KIFAP3: variants seen among roughly 807,000 people sequenced by gnomAD.
KIFAP3 encodes the protein kinesin associated protein 3.
In KIFAP3, 68 loss-of-function variants were observed where a neutral mutation model predicts 106.5. The ratio of observed to expected loss-of-function variants is 0.64; its 90% CI spans 0.53 to 0.78. KIFAP3 has a LOEUF of 0.78. Among genes scored for constraint, KIFAP3 ranks in the 30% least tolerant of loss-of-function variants. The pLI, the probability that KIFAP3 is intolerant of heterozygous loss-of-function variation, is 0.00. For synonymous variants in KIFAP3, 320 were observed against 311.5 expected (o/e 1.03, Z -0.29); for missense variants, 780 against 941.8 (o/e 0.83, Z 2.25).
chr1:170,001,038 T>C (rs1247375349), intron 10 of KIFAP3, among the ~76,000 whole-genome samples: 1 of 152,132 alleles, frequency 6.6e-6, no homozygotes, highest in Non-Finnish European at 1.5e-5. Flanking sequence ...ATGAGTACTC[T>C]TATATAGAAC....
chr1:169,935,525 A>G (rs916262828), intron 19 of KIFAP3, among the ~76,000 whole-genome samples: 2 of 152,020 alleles, frequency 1.3e-5, no homozygotes, highest in African/African-American at 2.4e-5. Context: ...CTTAATATAT[A>G]TAAGATACAT....
In KIFAP3 at chr1:170,035,678, A is replaced by G. The variant is rs1330008911; in HGVS notation, c.518-125T>C. 1.4e-5 allele frequency: 8 copies of G among 554,318 alleles called. No individual in the cohort carries two copies. In the East Asian group the frequency reaches 2.2e-4, roughly 15 times the overall value. The allele number at this position is 554,318 out of a possible 1,614,324, so 34.3% of individuals were successfully genotyped here. A position where few individuals can be genotyped will look rare whatever the true frequency, so the allele number is the denominator to read the frequency against. On this transcript the variant is annotated intron_variant, in intron 5 of 19. Transcript: ENST00000361580. ...AGATAGAACTGGGACAAAAAGTAGGATGCTTCTTTCCAATACAGACAGCTA... is the reference window on the plus strand; with the variant it reads ...AGATAGAACTGGGACAAAAAGTAGGGTGCTTCTTTCCAATACAGACAGCTA...
intron 16 of KIFAP3, among the ~76,000 whole-genome samples, chr1:169,973,374 CA>C (rs1272499660): frequency 6.8e-5 from 10 of 147,456 alleles, no homozygotes; most frequent in Non-Finnish European, 1.4e-4. Context: ...ATAGAAATCC[CA>C]AAGAAGAAAA....
At position 170,031,511 on chromosome 1, in the gene KIFAP3, CAA is replaced by C. The variant is rs373172508; in HGVS notation, c.841+373_841+374del. On this transcript the variant is annotated intron_variant, in intron 8 of 19. Transcript: ENST00000361580. ...AGACAAGGAATTCTTTTCTATTAAA[CAA>C]GAGAAATATTTTAAAATGTTTATAT... 3.6e-3 allele frequency among the ~76,000 whole-genome samples: 544 copies of C among 151,674 alleles called. 7 individuals are homozygous for C. Among genetic ancestry groups the C allele is most frequent in the African/African-American group, 0.012 (494 of 41,492 alleles).
chr1:169,946,536 T>C (rs1016721300), intron 19 of KIFAP3, among the ~76,000 whole-genome samples: 1 of 152,108 alleles, frequency 6.6e-6, no homozygotes, highest in Non-Finnish European at 1.5e-5. Flanking sequence ...AGTAGGAGTG[T>C]TGGCTCTTAC....
At chr1:169,957,163 C>A (rs1048811990) in intron 18 of KIFAP3, among the ~76,000 whole-genome samples, 1 of 152,110 alleles carries the variant, frequency 6.6e-6, no homozygotes, top group Non-Finnish European at 1.5e-5. Flanking sequence ...TATTTATTCT[C>A]CAAATAAATC....
chr1:169,951,181 A>C (rs917864666), intron 19 of KIFAP3, among the ~76,000 whole-genome samples: 8 of 151,860 alleles, frequency 5.3e-5, no homozygotes, highest in Non-Finnish European at 8.8e-5. Flanking sequence ...CCTACCACAA[A>C]ATTTGAGGAA....
At chr1:170,036,512 T>G (rs1669700078) in intron 5 of KIFAP3, among the ~76,000 whole-genome samples, 1 of 152,088 alleles carries the variant, frequency 6.6e-6, no homozygotes, top group Non-Finnish European at 1.5e-5. Context: ...TGCAGAGAAC[T>G]TGAATAGTAC....
At chr1:169,998,397 TATACACACACAC>T (rs1667489145) in intron 10 of KIFAP3, among the ~76,000 whole-genome samples, 1 of 77,908 alleles carries the variant, frequency 1.3e-5, no homozygotes. Flanking sequence ...TATATATATA[TATACACACACAC>T]ACACACACAC....
intron 9 of KIFAP3, among the ~76,000 whole-genome samples, chr1:170,018,828 A>AT (rs1668659788): frequency 6.6e-6 from 1 of 151,526 alleles, no homozygotes; most frequent in African/African-American, 2.4e-5. Flanking sequence ...TTAACACCTG[A>AT]TTTTTCCTTC....
At chr1:169,955,447 G>A (rs1260345846) in intron 18 of KIFAP3, among the ~76,000 whole-genome samples, 2 of 152,174 alleles carry the variant, frequency 1.3e-5, no homozygotes, top group African/African-American at 4.8e-5. Flanking sequence ...AAGCTATAGA[G>A]GGGTCAGAAA....
At chr1:170,082,181 A>C (rs1158031005) in intron 1 of KIFAP3, among the ~76,000 whole-genome samples, 1 of 152,224 alleles carries the variant, frequency 6.6e-6, no homozygotes. Context: ...ACTTGAAACA[A>C]CCCAAATGTC....
chr1:169,996,001 A>T (rs185744934), intron 10 of KIFAP3, among the ~76,000 whole-genome samples: 1 of 152,082 alleles, frequency 6.6e-6, no homozygotes, highest in Non-Finnish European at 1.5e-5. Context: ...GAGTCCAAAA[A>T]TTATAATAAT....
chr1:169,986,228 T>A (rs1455644116), intron 11 of KIFAP3, among the ~76,000 whole-genome samples: 1 of 152,020 alleles, frequency 6.6e-6, no homozygotes, highest in East Asian at 1.9e-4. Context: ...TCAAAAATGA[T>A]ATGTGGTCAA....
intron 7 of KIFAP3, among the ~76,000 whole-genome samples, chr1:170,032,825 A>G (rs954967333): frequency 2.6e-5 from 4 of 151,740 alleles, no homozygotes; most frequent in African/African-American, 9.7e-5. Flanking sequence ...GATGTGTCTT[A>G]TAATCCCTGA....
chr1:170,047,570 G>A lies in KIFAP3; in HGVS notation c.165-704C>T, dbSNP rs150723149. ...TGGGAGGCAGAGGTTGCAGTGAGCT[G>A]AGATCGCACCATTGTACTCCAGCCT... is the stretch of plus-strand genomic sequence containing the variant. On this transcript the variant is annotated intron_variant, in intron 2 of 19. Coordinates refer to ENST00000361580, the MANE Select transcript of KIFAP3 (RefSeq NM_014970.4). Among the ~76,000 whole-genome samples the A allele has an allele frequency of 7.5e-3, 1,042 of 138,666 alleles. 19 individuals carry two copies. The highest frequency in any genetic ancestry group is 0.026 in the African/African-American group (954 of 36,148). 91.0% of individuals were successfully genotyped at this position (138,666 alleles called of 152,430 possible).
intron 16 of KIFAP3, among the ~76,000 whole-genome samples, chr1:169,976,785 T>C (rs1666237286): frequency 6.6e-6 from 1 of 152,148 alleles, no homozygotes; most frequent in Non-Finnish European, 1.5e-5. Flanking sequence ...GGCACAATCA[T>C]AGCTCACTGC....
intron 17 of KIFAP3, among the ~76,000 whole-genome samples, chr1:169,961,509 G>A (rs1478028347): frequency 6.6e-6 from 1 of 151,990 alleles, no homozygotes; most frequent in South Asian, 2.1e-4. Context: ...CATAAATATT[G>A]CCAGAATTTA....
intron 10 of KIFAP3, among the ~76,000 whole-genome samples, chr1:170,008,629 GGA>G (rs1668091442): frequency 6.6e-6 from 1 of 152,200 alleles, no homozygotes; most frequent in South Asian, 2.1e-4. Flanking sequence ...AACAGATGCT[GGA>G]GAGGATGTGG....
Sources: allele counts gnomAD v4.1 joint callset (sites outside exome capture counted in the v4.1 genomes callset), GRCh38; gene constraint gnomAD v4.1.1; transcripts MANE v1.5; gene names NCBI Gene and HGNC (gene_info 2026-07-23, HGNC 2026-07-21).